The following MMD2 variants were observed in gnomAD, a reference collection of about 807,000 sequenced individuals.
MMD2 encodes monocyte to macrophage differentiation factor 2.
A neutral mutation model predicts 33.5 loss-of-function variants in MMD2; 30 were observed. The ratio of observed to expected loss-of-function variants is 0.90; its 90% CI spans 0.67 to 1.22. The LOEUF (loss-of-function observed/expected upper bound fraction) is 1.22. MMD2 is among the 50% of genes most tolerant of loss of function. The pLI is 0.00. For missense variants in MMD2, 364 were observed against 325.4 expected (o/e 1.12, Z -0.91); for synonymous variants, 129 against 123.0 (o/e 1.05, Z -0.32).
chr7:4,903,157 GA>G (rs1784816918), downstream of MMD2, among the ~76,000 whole-genome samples: 3 of 152,140 alleles, frequency 2.0e-5, no homozygotes. Flanking sequence ...AGAATCACTT[GA>G]ACCCAGGAGG....
chr7:4,943,428 C>G (rs540684217), intron 1 of MMD2, among the ~76,000 whole-genome samples: 10 of 152,210 alleles, frequency 6.6e-5, no homozygotes, highest in African/African-American at 2.2e-4. Flanking sequence ...CAGGCGTGCG[C>G]CACCGTGCCC....
At chr7:4,941,008 C>T (rs1785893249) in intron 1 of MMD2, among the ~76,000 whole-genome samples, 1 of 152,144 alleles carries the variant, frequency 6.6e-6, no homozygotes, top group Admixed American at 6.6e-5. Context: ...CCTCAGGAGG[C>T]TCCCAGATGC....
At chr7:4,949,390 C>T (rs12702048) in intron 1 of MMD2, among the ~76,000 whole-genome samples, 129,080 of 152,040 alleles carry the variant, frequency 0.85, 54,908 homozygotes, top group East Asian at 1. Flanking sequence ...AAGAGTTCAA[C>T]TGTTTTGATT....
the MMD2 span, among the ~76,000 whole-genome samples, chr7:4,895,401 G>A: frequency 6.6e-6 from 1 of 152,174 alleles, no homozygotes; most frequent in Non-Finnish European, 1.5e-5. Flanking sequence ...ATGGACACAG[G>A]CTAGGGGTGG....
At chr7:4,919,331 G>T (rs1785216542) in intron 3 of MMD2, among the ~76,000 whole-genome samples, 3 of 152,008 alleles carry the variant, frequency 2.0e-5, no homozygotes, top group Admixed American at 2.0e-4. Context: ...CACTTTGGGA[G>T]GCTGAAGCAG....
intron 1 of MMD2, among the ~76,000 whole-genome samples, chr7:4,957,175 T>A (rs11290848): frequency 0.2 from 24,258 of 118,626 alleles, 2,192 homozygotes; most frequent in African/African-American, 0.3. Context: ...AAAAAAAAAA[T>A]ATATATATAT....
intron 1 of MMD2, among the ~76,000 whole-genome samples, chr7:4,927,004 A>G (rs1340627350): frequency 6.6e-6 from 1 of 151,810 alleles, no homozygotes; most frequent in Non-Finnish European, 1.5e-5. Context: ...TCGGCCTCCC[A>G]AAGTGCTGGA....
Position 4,946,196 on chromosome 7 carries a change from CACACACACGCAT to C in MMD2, c.47+12763_47+12774del, listed in dbSNP as rs1021492848. 2.0e-5 allele frequency among the ~76,000 whole-genome samples: 3 copies of C among 151,790 alleles called. No individual in the cohort carries two copies. The highest frequency in any genetic ancestry group is 4.8e-5 in the African/African-American group (2 of 41,354). ...ACATGCACACACACGCGCGCACACC[CACACACACGCAT>C]GCACACACATGCACACATACACGCA... is the stretch of plus-strand genomic sequence containing the variant. On this transcript the variant is annotated intron_variant, in intron 1 of 6. Transcript: ENST00000401401. This position sits in a 1 kb window ranked among gnomAD's most constrained non-coding sequence, Gnocchi z 5.0.
At chr7:4,953,412 C>G (rs535484253) in intron 1 of MMD2, among the ~76,000 whole-genome samples, 82 of 149,420 alleles carry the variant, frequency 5.5e-4, no homozygotes, top group African/African-American at 1.8e-3. Context: ...ATTCTTTACA[C>G]TGGCAACTAG....
In MMD2 at chr7:4,934,688, G is replaced by A. The variant is rs79331141; in HGVS notation, c.48-9156C>T. ...GAGCCAGGACCCAGAGCCAGATGCT[G>A]GCAGGAGACGAGGAGAGAATGTTGA... On this transcript the variant is annotated intron_variant, in intron 1 of 6. Coordinates refer to ENST00000401401, the MANE Select transcript of MMD2 (RefSeq NM_198403.4). Among the ~76,000 whole-genome samples the A allele has an allele frequency of 1.1e-3, 169 of 152,306 alleles. 1 individual carries two copies. Among genetic ancestry groups the A allele is most frequent in the African/African-American group, 4.0e-3 (165 of 41,584 alleles).
intron 2 of MMD2, among the ~76,000 whole-genome samples, chr7:4,924,103 A>C (rs1420798632): frequency 6.6e-6 from 1 of 152,164 alleles, no homozygotes; most frequent in Non-Finnish European, 1.5e-5. Flanking sequence ...GAGGCAGGAG[A>C]ATGGCATGAA....
the MMD2 span, among the ~76,000 whole-genome samples, chr7:4,898,993 G>A: frequency 3.3e-5 from 5 of 152,028 alleles, no homozygotes; most frequent in East Asian, 9.7e-4. Flanking sequence ...AAGGAAGGAA[G>A]CTAGGAAGGA....
chr7:4,926,685 C>T lies in MMD2; in HGVS notation c.48-1153G>A, dbSNP rs181727704. Among the ~76,000 whole-genome samples, 631 of 152,242 alleles carry T rather than the reference C, an allele frequency of 4.1e-3. 3 individuals carry two copies. The highest frequency in any genetic ancestry group is 7.4e-3 in the Non-Finnish European group (503 of 68,028). The stretch of plus-strand genomic sequence containing the variant: ...TTTCTGTCTGGCTTCTTTTGCTTAA[C>T]GTGATTTTTGCGAGATTCATCCACA... On this transcript the variant is annotated intron_variant, in intron 1 of 6. Transcript: ENST00000401401.
intron 1 of MMD2, among the ~76,000 whole-genome samples, chr7:4,952,212 G>A (rs141016878): frequency 1.3e-4 from 20 of 152,330 alleles, no homozygotes; most frequent in African/African-American, 3.6e-4. Context: ...GGAGAGGTGT[G>A]CAAAGCTGAA....
the MMD2 span, among the ~76,000 whole-genome samples, chr7:4,895,447 G>C: frequency 2.0e-5 from 3 of 152,172 alleles, no homozygotes; most frequent in African/African-American, 7.2e-5. Flanking sequence ...GCGGGGTTGC[G>C]GTGTGGAGAA....
At chr7:4,945,185 T>TTTCTTCTTCTTCTTCTTC (rs778065489) in intron 1 of MMD2, among the ~76,000 whole-genome samples, 12,115 of 93,358 alleles carry the variant, frequency 0.13, 1,553 homozygotes, top group Non-Finnish European at 0.15. Context: ...CCTCTTCCTC[T>TTTCTTCTTCTTCTTCTTC]TTCTTCTTCT....
chr7:4,944,994 T>C (rs1370222844), intron 1 of MMD2, among the ~76,000 whole-genome samples: 2 of 150,710 alleles, frequency 1.3e-5, no homozygotes, highest in Admixed American at 6.6e-5. Flanking sequence ...TGCTCTTTCT[T>C]CTTTTTCTTC....
At chr7:4,956,608 G>A (rs530412076) in intron 1 of MMD2, among the ~76,000 whole-genome samples, 1 of 152,054 alleles carries the variant, frequency 6.6e-6, no homozygotes, top group African/African-American at 2.4e-5. Context: ...AGACTGGCCC[G>A]TGCTCCAGCT....
intron 1 of MMD2, among the ~76,000 whole-genome samples, chr7:4,958,478 A>G (rs1786449410): frequency 6.6e-6 from 1 of 152,114 alleles, no homozygotes; most frequent in Admixed American, 6.6e-5. Flanking sequence ...CCCGAGCCTC[A>G]GTTTCTCCAT....
Sources: gnomAD v4.1 joint callset for allele counts (sites outside exome capture counted in the v4.1 genomes callset) on GRCh38, gnomAD v4.1.1 for gene constraint, Gnocchi (gnomAD v3.1) non-coding constraint, MANE v1.5 for transcripts, NCBI Gene and HGNC (gene_info 2026-07-23, HGNC 2026-07-21) for gene names.